Variants in CLIP2 observed in about 807,000 individuals in gnomAD.
CLIP2 encodes the protein CAP-Gly domain-containing linker protein 2.
A neutral mutation model predicts 111.7 loss-of-function variants in CLIP2; 41 were observed. The ratio of observed to expected loss-of-function variants is 0.37; its 90% CI spans 0.29 to 0.48. CLIP2 has a LOEUF of 0.48. Ranked by LOEUF, CLIP2 falls within the 20% of genes least tolerant of loss-of-function variation. The pLI is 0.99. For missense variants in CLIP2, 1,160 were observed against 1,422.1 expected (o/e 0.82, Z 2.96); for synonymous variants, 660 against 644.2 (o/e 1.02, Z -0.37).
intron 16 of CLIP2, among the ~76,000 whole-genome samples, chr7:74,403,628 A>G (rs575013728): frequency 2.6e-5 from 4 of 152,268 alleles, no homozygotes; most frequent in Non-Finnish European, 5.9e-5. Context: ...TCCGCTTCCC[A>G]TCAGCACCTC....
At chr7:74,381,389 A>G (rs957268906) in intron 11 of CLIP2, among the ~76,000 whole-genome samples, 1 of 152,092 alleles carries the variant, frequency 6.6e-6, no homozygotes, top group Admixed American at 6.6e-5. Context: ...GGGTTTCACC[A>G]TGTTGACCAG....
intron 7 of CLIP2, among the ~76,000 whole-genome samples, chr7:74,363,230 G>A (rs1554310119): frequency 6.6e-6 from 1 of 152,114 alleles, no homozygotes; most frequent in Non-Finnish European, 1.5e-5. Flanking sequence ...TCAAACTCCC[G>A]ACCTCAGGTG....
chr7:74,317,640 G>T lies in CLIP2; in HGVS notation c.94G>T (p.Ala32Ser), dbSNP rs1554729304. 1 of 1,516,028 alleles carries T rather than the reference G, an allele frequency of 6.6e-7. No individual in the cohort carries two copies. Among genetic ancestry groups the T allele is most frequent in the Non-Finnish European group, 8.9e-7 (1 of 1,125,740 alleles). 93.9% of individuals were successfully genotyped at this position (1,516,028 alleles called of 1,614,324 possible). ...RTSTGSASSS[A>S]AVAASSKEGS... ...ATCTACTGGGTCAGCTTCATCCTCG[G>T]CGGCGGTGGCCGCTAGCTCCAAGGA... Residue 32 changes from alanine (A) to serine (S), a missense_variant, in exon 2 of 17, where the codon GCG becomes TCG. Around this residue, in one of 5 missense-constraint regions of CLIP2, gnomAD observed 301 missense variants for 315.2 expected, o/e 0.96. Coordinates refer to ENST00000223398, the MANE Select transcript of CLIP2 (RefSeq NM_003388.5).
At chr7:74,377,590 C>T (rs909523754) in intron 10 of CLIP2, among the ~76,000 whole-genome samples, 2 of 152,158 alleles carry the variant, frequency 1.3e-5, no homozygotes, top group Non-Finnish European at 2.9e-5. Flanking sequence ...TATGTGACTC[C>T]ATTTCACCTT....
chr7:74,297,737 G>A (rs1394099409), intron 1 of CLIP2, among the ~76,000 whole-genome samples: 1 of 152,062 alleles, frequency 6.6e-6, no homozygotes, highest in African/African-American at 2.4e-5. Context: ...CTGGGTGAAT[G>A]TGGCTATGGG....
At chr7:74,305,099 A>G (rs1554727524) in intron 1 of CLIP2, among the ~76,000 whole-genome samples, 1 of 132,474 alleles carries the variant, frequency 7.5e-6, no homozygotes, top group Non-Finnish European at 1.6e-5. Flanking sequence ...GCCAATTGCC[A>G]GGGAGGACCC....
chr7:74,331,557 T>TCTTC (rs1789279904), intron 2 of CLIP2, among the ~76,000 whole-genome samples: 1 of 132,384 alleles, frequency 7.6e-6, no homozygotes, highest in African/African-American at 2.6e-5. Context: ...TTTCTTTCTT[T>TCTTC]CTTTCTTTTT....
intron 1 of CLIP2, among the ~76,000 whole-genome samples, chr7:74,292,211 T>C (rs7790759): frequency 0.23 from 35,579 of 151,424 alleles, 5,554 homozygotes; most frequent in African/African-American, 0.45. Context: ...CGTGAGCCAC[T>C]GCACCCAGCC....
rs1234648069 is a variant in CLIP2, at chr7:74,320,214, AAAG to A, written c.121+2550_121+2552del. The stretch of plus-strand genomic sequence containing the variant: ...CCATCTCAAAAAAAAAAAAAAAAAA[AAAG>A]AAAGAAAAAGGAAAAAGAGCAGTGG... On this transcript the variant is annotated intron_variant, in intron 2 of 16. Coordinates refer to ENST00000223398, the MANE Select transcript of CLIP2 (RefSeq NM_003388.5). Among the ~76,000 whole-genome samples, 657 of 142,952 alleles carry A rather than the reference AAAG, an allele frequency of 4.6e-3. 6 individuals carry two copies. Among genetic ancestry groups the A allele is most frequent in the African/African-American group, 0.016 (636 of 39,326 alleles). 93.8% of individuals were successfully genotyped at this position (142,952 alleles called of 152,430 possible).
chr7:74,297,685 A>G (rs1225021448), intron 1 of CLIP2, among the ~76,000 whole-genome samples: 1 of 152,012 alleles, frequency 6.6e-6, no homozygotes. Flanking sequence ...TGGAATGTTG[A>G]TCTGCTTCTC....
At chr7:74,378,159 G>A (rs1428305871) in intron 10 of CLIP2, among the ~76,000 whole-genome samples, 1 of 145,764 alleles carries the variant, frequency 6.9e-6, no homozygotes, top group East Asian at 2.1e-4. Context: ...ACAGGGTCTT[G>A]TTCTGTCTCC....
At chr7:74,297,792 C>T (rs1222011410) in intron 1 of CLIP2, among the ~76,000 whole-genome samples, 4 of 151,578 alleles carry the variant, frequency 2.6e-5, no homozygotes, top group Non-Finnish European at 5.9e-5. Context: ...GGGAGGAGGA[C>T]GAGAGTAGCG....
rs138794581 is a variant in CLIP2, at chr7:74,294,859, C to T, written c.-68+5125C>T. ...CCTAGTGGAGCTGTTGGCTGGGCAA[C>T]GGCTGCATATTGATCTGAAGGTTAT... On this transcript the variant is annotated intron_variant, in intron 1 of 16. Coordinates refer to ENST00000223398, the MANE Select transcript of CLIP2 (RefSeq NM_003388.5). Among the ~76,000 whole-genome samples the T allele has an allele frequency of 4.9e-3, 753 of 152,262 alleles. 3 individuals are homozygous for T. The highest frequency in any genetic ancestry group is 0.02 in the Middle Eastern group (6 of 294).
chr7:74,336,240 G>A (rs544535957), intron 2 of CLIP2, among the ~76,000 whole-genome samples: 4 of 151,324 alleles, frequency 2.6e-5, no homozygotes, highest in African/African-American at 9.7e-5. Context: ...GCTAATTTTT[G>A]TATTTTCAGT....
chr7:74,383,987 G>A (rs1044288267), intron 11 of CLIP2, among the ~76,000 whole-genome samples: 10 of 151,900 alleles, frequency 6.6e-5, no homozygotes, highest in Non-Finnish European at 1.5e-4. Context: ...TCAGGAGTTC[G>A]AGACCAGCCT....
rs149885062 is a variant in CLIP2, at chr7:74,324,572, A to G, written c.121+6905A>G. ...GAAAGTGTCCCTCCGAGAATCCCCAATTGACAGGGGAGCCACACCTTGTGC... is the reference window on the plus strand; with the variant it reads ...GAAAGTGTCCCTCCGAGAATCCCCAGTTGACAGGGGAGCCACACCTTGTGC... On this transcript the variant is annotated intron_variant, in intron 2 of 16. Coordinates refer to ENST00000223398, the MANE Select transcript of CLIP2 (RefSeq NM_003388.5). Among the ~76,000 whole-genome samples the G allele has an allele frequency of 1.8e-3, 269 of 152,092 alleles. 2 individuals are homozygous for G. The highest frequency in any genetic ancestry group is 3.0e-3 in the African/African-American group (126 of 41,508).
chr7:74,372,600 G>GA (rs1554312116), intron 8 of CLIP2, among the ~76,000 whole-genome samples: 1 of 151,842 alleles, frequency 6.6e-6, no homozygotes, highest in African/African-American at 2.4e-5. Flanking sequence ...GGTTGGGGGG[G>GA]ACAGAAAAGC....
intron 1 of CLIP2, among the ~76,000 whole-genome samples, chr7:74,315,571 T>A (rs1788748312): frequency 6.6e-6 from 1 of 151,890 alleles, no homozygotes; most frequent in Non-Finnish European, 1.5e-5. Flanking sequence ...TTCTTTTCTT[T>A]CTTTTTTCTT....
At position 74,376,087 on chromosome 7, in the gene CLIP2, G is replaced by T. The variant is rs374119772; in HGVS notation, c.1686G>T (p.Val562=). The T allele has an allele frequency of 3.1e-6, 5 of 1,612,250 alleles. No homozygotes were observed. The highest frequency in any genetic ancestry group is 4.5e-5 in the East Asian group (2 of 44,858). The change falls in exon 10 of 17, where the codon GTG becomes GTT. Residue 562 remains valine, a synonymous_variant. Coordinates refer to ENST00000223398, the MANE Select transcript of CLIP2 (RefSeq NM_003388.5). This position sits in a 1 kb window ranked among gnomAD's most constrained non-coding sequence, Gnocchi z 7.1. ...AGGAACACCAGAGGGAGAGTGGGGT[G>T]CTGCGGGATAAATACGAGAAGGCCC... is the stretch of plus-strand genomic sequence containing the variant. The part of the protein sequence containing the change: ...ASKEHQRESG[V]LRDKYEKALK...
Sources: gnomAD v4.1 joint callset for allele counts (sites outside exome capture counted in the v4.1 genomes callset) on GRCh38, gnomAD v4.1.1 for gene constraint, gnomAD v4.1.1 regional missense constraint, Gnocchi (gnomAD v3.1) non-coding constraint, MANE v1.5 for transcripts, NCBI Gene and HGNC (gene_info 2026-07-23, HGNC 2026-07-21) for gene names.